SPON1: variants seen among roughly 807,000 people sequenced by gnomAD.
SPON1 encodes spondin 1.
Under a neutral mutation model 111.7 loss-of-function variants are expected in SPON1, and 52 were observed. The observed-to-expected ratio is 0.47, with a 90% CI of 0.37 to 0.59. The LOEUF (loss-of-function observed/expected upper bound fraction) is 0.59. Among genes scored for constraint, SPON1 ranks in the 20% least tolerant of loss-of-function variants. The pLI, the probability that SPON1 is intolerant of heterozygous loss-of-function variation, is 0.00. For synonymous variants in SPON1, 410 were observed against 395.8 expected, an observed-to-expected ratio of 1.04 and a Z score of -0.43; for missense variants, 957 against 1,068.5, an observed-to-expected ratio of 0.90 and a Z score of 1.46.
At position 14,150,863 on chromosome 11, in the gene SPON1, T is replaced by C. The variant is rs576843354; in HGVS notation, c.825+15295T>C. 2.1e-4 allele frequency among the ~76,000 whole-genome samples: 32 copies of C among 152,302 alleles called. 1 individual carries two copies. The South Asian group carries it at 6.2e-3, about 30-fold the overall frequency. On this transcript the variant is annotated intron_variant, in intron 6 of 15. Coordinates refer to ENST00000576479, the MANE Select transcript of SPON1 (RefSeq NM_006108.4). Reference sequence around the variant, plus strand: ...AAATTGCAGGTATCAGGAGCAACACTGAACTCACTTTTCTGGATTCTCAGT... The same window carrying C: ...AAATTGCAGGTATCAGGAGCAACACCGAACTCACTTTTCTGGATTCTCAGT...
chr11:14,045,595 T>C (rs1244080439), intron 3 of SPON1, among the ~76,000 whole-genome samples: 1 of 143,936 alleles, frequency 6.9e-6, no homozygotes, highest in Non-Finnish European at 1.5e-5. Flanking sequence ...ATAATAAAAA[T>C]TTAATTATAT....
At chr11:14,025,398 G>A (rs570922923) in intron 2 of SPON1, among the ~76,000 whole-genome samples, 2 of 152,296 alleles carry the variant, frequency 1.3e-5, no homozygotes, top group South Asian at 4.2e-4. Flanking sequence ...CTAGGTGCTG[G>A]TGACCCAAAA....
chr11:14,009,901 C>G (rs1006279317), intron 2 of SPON1, among the ~76,000 whole-genome samples: 19 of 152,192 alleles, frequency 1.2e-4, no homozygotes, highest in African/African-American at 4.1e-4. Context: ...GGTTCCACCA[C>G]TTAATACTAT....
rs1848222528 is a variant in SPON1, at chr11:14,180,221, C to A, written c.825+44653C>A. 1.3e-5 allele frequency among the ~76,000 whole-genome samples: 2 copies of A among 152,180 alleles called. 1 individual carries two copies. The highest frequency in any genetic ancestry group is 4.1e-4 in the South Asian group (2 of 4,824). ...CCAAGATGAGTTAGTCACCCTGCATCCCTTAGTTAAAATCTCTCAACAGTT... is the reference window on the plus strand; with the variant it reads ...CCAAGATGAGTTAGTCACCCTGCATACCTTAGTTAAAATCTCTCAACAGTT... On this transcript the variant is annotated intron_variant, in intron 6 of 15. Coordinates refer to ENST00000576479, the MANE Select transcript of SPON1 (RefSeq NM_006108.4).
intron 3 of SPON1, among the ~76,000 whole-genome samples, chr11:14,059,838 C>T (rs1848776782): frequency 1.3e-5 from 2 of 152,188 alleles, no homozygotes. Flanking sequence ...CCCCTTTCCA[C>T]ACCTGCCTGG....
At chr11:14,049,521 G>T (rs140465992) in intron 3 of SPON1, among the ~76,000 whole-genome samples, 1 of 152,126 alleles carries the variant, frequency 6.6e-6, no homozygotes, top group Admixed American at 6.5e-5. Context: ...CCTTCACCAG[G>T]TTCCTCACCA....
chr11:14,012,602 C>A lies in SPON1; in HGVS notation c.346-28919C>A, dbSNP rs113070048. Among the ~76,000 whole-genome samples the A allele has an allele frequency of 5.3e-3, 800 of 152,314 alleles. 9 individuals carry two copies. Among genetic ancestry groups the A allele is most frequent in the African/African-American group, 0.018 (739 of 41,560 alleles). On this transcript the variant is annotated intron_variant, in intron 2 of 15. Coordinates refer to ENST00000576479, the MANE Select transcript of SPON1 (RefSeq NM_006108.4). Reference sequence around the variant, plus strand: ...ATTTTGTCCACCGATTTGGCAAAAACAGACTCGTCTTTCAAGATTCAGCTC... The same window carrying A: ...ATTTTGTCCACCGATTTGGCAAAAAAAGACTCGTCTTTCAAGATTCAGCTC...
chr11:14,186,160 G>A (rs1434572268), intron 6 of SPON1, among the ~76,000 whole-genome samples: 2 of 152,238 alleles, frequency 1.3e-5, no homozygotes, highest in Non-Finnish European at 2.9e-5. Flanking sequence ...CCAGACACAT[G>A]TGACAAGTTA....
intron 5 of SPON1, among the ~76,000 whole-genome samples, chr11:14,103,619 C>G (rs898214007): frequency 3.3e-5 from 5 of 152,210 alleles, no homozygotes; most frequent in Non-Finnish European, 5.9e-5. Context: ...ATTTCAGTGT[C>G]TCTGTTAGTT....
chr11:14,151,477 C>T (rs556388885), intron 6 of SPON1, among the ~76,000 whole-genome samples: 4 of 152,178 alleles, frequency 2.6e-5, no homozygotes, highest in Admixed American at 6.5e-5. Context: ...CAGAGACCAA[C>T]GTATTTGTTC....
chr11:14,109,923 G>C (rs1849214948), intron 5 of SPON1, among the ~76,000 whole-genome samples: 1 of 152,274 alleles, frequency 6.6e-6, no homozygotes, highest in South Asian at 2.1e-4. Flanking sequence ...CTTCCTCTGG[G>C]ATCCATCAGC....
chr11:14,061,379 A>G (rs1848790066), intron 3 of SPON1, among the ~76,000 whole-genome samples: 1 of 152,210 alleles, frequency 6.6e-6, no homozygotes, highest in Non-Finnish European at 1.5e-5. Flanking sequence ...ATTCTATCCA[A>G]TTATCCATCC....
intron 2 of SPON1, among the ~76,000 whole-genome samples, chr11:13,992,760 G>A (rs933792155): frequency 3.9e-5 from 6 of 152,040 alleles, no homozygotes; most frequent in Non-Finnish European, 2.9e-5. Context: ...TATCTGTGCC[G>A]GAGTTCCTCA....
At chr11:14,167,795 G>T (rs782574278) in intron 6 of SPON1, among the ~76,000 whole-genome samples, 2 of 152,062 alleles carry the variant, frequency 1.3e-5, no homozygotes, top group Non-Finnish European at 2.9e-5. Flanking sequence ...TGATTTTAAT[G>T]TGTTAACCTG....
intron 5 of SPON1, among the ~76,000 whole-genome samples, chr11:14,099,320 T>G (rs1849125901): frequency 6.6e-6 from 1 of 152,244 alleles, no homozygotes; most frequent in Non-Finnish European, 1.5e-5. Context: ...GTTATGCTGT[T>G]GGTAATTTAC....
At chr11:14,049,451 C>T (rs1554918222) in intron 3 of SPON1, among the ~76,000 whole-genome samples, 1 of 152,190 alleles carries the variant, frequency 6.6e-6, no homozygotes, top group Non-Finnish European at 1.5e-5. Flanking sequence ...TTGAACAGGG[C>T]TCCCCAGCAC....
intron 5 of SPON1, among the ~76,000 whole-genome samples, chr11:14,108,190 A>C (rs1849199947): frequency 6.6e-6 from 1 of 152,204 alleles, no homozygotes. Flanking sequence ...GGCTTGGAAT[A>C]TGATGAAAGC....
At chr11:14,006,774 T>C (rs1848365120) in intron 2 of SPON1, among the ~76,000 whole-genome samples, 1 of 152,164 alleles carries the variant, frequency 6.6e-6, no homozygotes, top group South Asian at 2.1e-4. Context: ...TCTTTTCTCT[T>C]CTTTGTGCTT....
Position 14,025,447 on chromosome 11 carries a change from C to T in SPON1, c.346-16074C>T, listed in dbSNP as rs139588916. Among the ~76,000 whole-genome samples, 30 of 152,276 alleles carry T rather than the reference C, an allele frequency of 2.0e-4. 1 individual carries two copies. In the East Asian group the frequency reaches 4.1e-3, roughly 21 times the overall value. The stretch of plus-strand genomic sequence containing the variant: ...AACCAGCCCCTGCTTTCAGATATGA[C>T]GAACTAGAGGCAAGATGGTTGTCAT... On this transcript the variant is annotated intron_variant, in intron 2 of 15. Coordinates refer to ENST00000576479, the MANE Select transcript of SPON1 (RefSeq NM_006108.4).
Sources: allele counts gnomAD v4.1 joint callset (sites outside exome capture counted in the v4.1 genomes callset), GRCh38; gene constraint gnomAD v4.1.1; transcripts MANE v1.5; gene names NCBI Gene and HGNC (gene_info 2026-07-23, HGNC 2026-07-21).